Variants in OXR1 observed in about 807,000 individuals in gnomAD.
OXR1 encodes the protein oxidation resistance protein 1.
In OXR1, 41 loss-of-function variants were observed where a neutral mutation model predicts 104.6. That is an observed-to-expected ratio of 0.39 (90% CI 0.31 to 0.51). OXR1 has a LOEUF of 0.51. Ranked by LOEUF, OXR1 falls within the 20% of genes least tolerant of loss-of-function variation. OXR1 has a pLI of 0.77. For missense variants in OXR1, 955 were observed against 1,031.9 expected, an observed-to-expected ratio of 0.93 and a Z score of 1.02; for synonymous variants, 348 against 348.4, an observed-to-expected ratio of 1.00 and a Z score of 0.01.
intron 3 of OXR1, among the ~76,000 whole-genome samples, chr8:106,589,356 T>C (rs566777390): frequency 5.3e-5 from 8 of 151,448 alleles, no homozygotes; most frequent in South Asian, 2.1e-4. Context: ...TTTTTTTTTT[T>C]CCACAGCAGA....
chr8:106,497,851 G>A (rs16874775), intron 2 of OXR1, among the ~76,000 whole-genome samples: 3,085 of 151,988 alleles, frequency 0.02, 97 homozygotes, highest in African/African-American at 0.07. Flanking sequence ...CAGAGAGTGA[G>A]GCCAAACATA....
chr8:106,645,076 A>T (rs1823962059), intron 3 of OXR1, among the ~76,000 whole-genome samples: 3 of 152,160 alleles, frequency 2.0e-5, no homozygotes. Context: ...GGTAAAGTAG[A>T]AGCTGGGAGA....
chr8:106,610,056 A>G (rs1820698418), intron 3 of OXR1, among the ~76,000 whole-genome samples: 1 of 152,098 alleles, frequency 6.6e-6, no homozygotes, highest in African/African-American at 2.4e-5. Flanking sequence ...TTCACTAGTA[A>G]TATACAGTAA....
intron 1 of OXR1, among the ~76,000 whole-genome samples, chr8:106,339,510 A>T (rs1815117823): frequency 4.1e-5 from 2 of 48,224 alleles, no homozygotes; most frequent in Admixed American, 5.7e-4. Flanking sequence ...AAAAAAAAAA[A>T]AAAAAAAAAA....
chr8:106,633,314 T>C (rs887302661), intron 3 of OXR1, among the ~76,000 whole-genome samples: 3 of 152,048 alleles, frequency 2.0e-5, no homozygotes, highest in Non-Finnish European at 2.9e-5. Context: ...CACTACAAAA[T>C]TATGTTAATA....
intron 15 of OXR1, among the ~76,000 whole-genome samples, chr8:106,744,215 G>GA (rs1835190317): frequency 1.3e-5 from 2 of 151,646 alleles, no homozygotes; most frequent in African/African-American, 4.8e-5. Flanking sequence ...AAAGTTAAAG[G>GA]AAAAAAAAGA....
intron 2 of OXR1, among the ~76,000 whole-genome samples, chr8:106,408,885 G>C (rs139886691): frequency 2.0e-5 from 3 of 152,116 alleles, no homozygotes; most frequent in African/African-American, 7.2e-5. Flanking sequence ...AAAAACTGGA[G>C]CCAACACAAC....
intron 2 of OXR1, among the ~76,000 whole-genome samples, chr8:106,376,384 C>T (rs1159260598): frequency 1.3e-5 from 2 of 152,042 alleles, no homozygotes; most frequent in African/African-American, 2.4e-5. Flanking sequence ...GGGGATTTCC[C>T]TAAAATTGTA....
intron 3 of OXR1, among the ~76,000 whole-genome samples, chr8:106,629,716 A>T (rs1822502925): frequency 6.6e-6 from 1 of 152,204 alleles, no homozygotes; most frequent in Non-Finnish European, 1.5e-5. Context: ...CCACAAAGGC[A>T]TTTCATAAAT....
At chr8:106,360,461 T>C (rs1816192686) in intron 2 of OXR1, among the ~76,000 whole-genome samples, 1 of 152,188 alleles carries the variant, frequency 6.6e-6, no homozygotes, top group African/African-American at 2.4e-5. Context: ...TAAACAGTTG[T>C]TACTGGCTCA....
Position 106,627,278 on chromosome 8 carries a change from G to A in OXR1, c.221-51932G>A, listed in dbSNP as rs534813182. 9.2e-5 allele frequency among the ~76,000 whole-genome samples: 14 copies of A among 152,148 alleles called. 1 individual carries two copies. In the East Asian group the frequency reaches 2.5e-3, roughly 27 times the overall value. On this transcript the variant is annotated intron_variant, in intron 3 of 16. Coordinates refer to ENST00000517566, the MANE Select transcript of OXR1 (RefSeq NM_001198533.2). ...GTGTTTTGAGAGAAGAGTAGCCTTC[G>A]ACATGTCTTAAACTTCCCTTGCATT...
chr8:106,338,362 G>A (rs1815048548), intron 1 of OXR1, among the ~76,000 whole-genome samples: 1 of 151,810 alleles, frequency 6.6e-6, no homozygotes, highest in South Asian at 2.1e-4. Context: ...GATCACCTGA[G>A]GTCAGAGGTG....
At chr8:106,521,616 G>A (rs914206994) in intron 3 of OXR1, among the ~76,000 whole-genome samples, 21 of 152,130 alleles carry the variant, frequency 1.4e-4, no homozygotes, top group African/African-American at 5.1e-4. Context: ...GGGTTCAAGC[G>A]ATTCTCCTGC....
At chr8:106,604,456 A>G (rs1309478746) in intron 3 of OXR1, among the ~76,000 whole-genome samples, 2 of 152,184 alleles carry the variant, frequency 1.3e-5, no homozygotes, top group Non-Finnish European at 2.9e-5. Flanking sequence ...CGTATACAGT[A>G]TTATTGATAT....
intron 3 of OXR1, among the ~76,000 whole-genome samples, chr8:106,635,580 G>T (rs1823062120): frequency 6.6e-6 from 1 of 152,064 alleles, no homozygotes; most frequent in Admixed American, 6.6e-5. Context: ...AAGTAGCTGG[G>T]ATTACAGGCA....
At chr8:106,699,878 A>C (rs1285314945) in intron 7 of OXR1, among the ~76,000 whole-genome samples, 1 of 152,218 alleles carries the variant, frequency 6.6e-6, no homozygotes, top group Non-Finnish European at 1.5e-5. Flanking sequence ...AAACTTATTA[A>C]CAATAACTAT....
intron 2 of OXR1, among the ~76,000 whole-genome samples, chr8:106,452,401 A>G (rs1820362980): frequency 6.6e-6 from 1 of 152,196 alleles, no homozygotes; most frequent in Non-Finnish European, 1.5e-5. Flanking sequence ...TATTCATTAT[A>G]TATATAAAAT....
At chr8:106,387,114 GT>G (rs1231541084) in intron 2 of OXR1, among the ~76,000 whole-genome samples, 3 of 152,114 alleles carry the variant, frequency 2.0e-5, no homozygotes, top group Non-Finnish European at 4.4e-5. Flanking sequence ...CAAAAAAAGA[GT>G]TTTTAAAAAA....
rs754512928 is a variant in OXR1 at position 106,707,101 on chromosome 8, A to G, written c.1580A>G (p.Lys527Arg). The G allele has an allele frequency of 2.5e-6, 4 of 1,613,944 alleles. No individual in the cohort carries two copies. Among genetic ancestry groups the G allele is most frequent in the Non-Finnish European group, 3.4e-6 (4 of 1,179,894 alleles). Residue 527 changes from lysine to arginine, a missense_variant, in exon 9 of 17, where the codon AAA becomes AGA. Physicochemically the swap from Lys to Arg is conservative, Grantham distance 26 (BLOSUM62 2). Coordinates refer to ENST00000517566, the MANE Select transcript of OXR1 (RefSeq NM_001198533.2). ...GAAAATATTCAACAAGTGTCACAAA[A>G]AGAAGCTAAGCATAAAATTACATCT... is the stretch of plus-strand genomic sequence containing the variant. ...QRENIQQVSQ[K>R]EAKHKITSAD...
Sources: allele counts gnomAD v4.1 joint callset (sites outside exome capture counted in the v4.1 genomes callset), GRCh38; gene constraint gnomAD v4.1.1; transcripts MANE v1.5; gene names NCBI Gene and HGNC (gene_info 2026-07-23, HGNC 2026-07-21).